Variants in NMNAT2 observed in about 807,000 individuals in gnomAD.
The protein encoded by NMNAT2 is nicotinamide/nicotinic acid mononucleotide adenylyltransferase 2.
A neutral mutation model predicts 41.6 loss-of-function variants in NMNAT2; 11 were observed. The observed-to-expected ratio is 0.26, with a 90% CI of 0.17 to 0.44. NMNAT2 has a LOEUF of 0.44. NMNAT2 is among the 20% of genes least tolerant of loss of function. The probability of loss-of-function intolerance (pLI) is 1.00; values close to 1 mark genes in which losing one functional copy is unlikely to be tolerated. For synonymous variants in NMNAT2, 148 were observed against 151.2 expected, an observed-to-expected ratio of 0.98 and a Z score of 0.16; for missense variants, 288 against 407.7, an observed-to-expected ratio of 0.71 and a Z score of 2.53.
At chr1:183,285,667 T>G (rs1378522089) in intron 5 of NMNAT2, among the ~76,000 whole-genome samples, 1 of 152,236 alleles carries the variant, frequency 6.6e-6, no homozygotes, top group African/African-American at 2.4e-5. Flanking sequence ...TTTTAGAGCA[T>G]GGACCTGGGA....
chr1:183,273,152 AT>A (rs1242466319), intron 8 of NMNAT2, among the ~76,000 whole-genome samples: 1 of 152,124 alleles, frequency 6.6e-6, no homozygotes, highest in African/African-American at 2.4e-5. Flanking sequence ...CTTCACTTCC[AT>A]TTTCTGTACA....
At chr1:183,401,637 T>TCA (rs200321719) in intron 1 of NMNAT2, among the ~76,000 whole-genome samples, 2,859 of 152,272 alleles carry the variant, frequency 0.019, 88 homozygotes, top group African/African-American at 0.066. Flanking sequence ...GTGGCACTAT[T>TCA]CACAATAGCA....
chr1:183,317,447 T>C (rs1662277136), intron 1 of NMNAT2, among the ~76,000 whole-genome samples: 1 of 151,338 alleles, frequency 6.6e-6, no homozygotes, highest in Non-Finnish European at 1.5e-5. Flanking sequence ...ATTTTTTGTG[T>C]GTGTGGAGAT....
At position 183,248,891 on chromosome 1, in the gene NMNAT2, A is replaced by AGTGT. The variant is rs71555406; in HGVS notation, c.*3746_*3749dup. ...CTTCTCTCTCTTAGTCCCCTAAAAGAGTGTGTGTGTGTGTGTGTGTGTGTG... is the reference window on the plus strand; with the variant it reads ...CTTCTCTCTCTTAGTCCCCTAAAAGAGTGTGTGTGTGTGTGTGTGTGTGTGTGTG... On this transcript the variant is annotated 3_prime_UTR_variant, in exon 11 of 11. Coordinates refer to ENST00000287713, the MANE Select transcript of NMNAT2 (RefSeq NM_015039.4). 0.064 allele frequency: 9,192 copies of AGTGT among 142,620 alleles called. 295 individuals are homozygous for AGTGT. The highest frequency in any genetic ancestry group is 0.094 in the South Asian group (406 of 4,338). The allele number at this position is 142,620 out of a possible 1,614,324, so 8.8% of individuals were successfully genotyped here.
chr1:183,267,937 G>A (rs1200022709), intron 8 of NMNAT2, among the ~76,000 whole-genome samples: 2 of 152,140 alleles, frequency 1.3e-5, no homozygotes, highest in East Asian at 1.9e-4. Flanking sequence ...CCTCAGTTTA[G>A]CACTGGCATA....
At chr1:183,322,244 A>G (rs185575448) in intron 1 of NMNAT2, among the ~76,000 whole-genome samples, 1 of 152,286 alleles carries the variant, frequency 6.6e-6, no homozygotes, top group East Asian at 1.9e-4. Flanking sequence ...TCTGAATTAC[A>G]TGGGTTTCTG....
chr1:183,276,041 G>A (rs1245477300), intron 8 of NMNAT2, among the ~76,000 whole-genome samples: 1 of 152,136 alleles, frequency 6.6e-6, no homozygotes, highest in Admixed American at 6.5e-5. Context: ...CTTGCTATTG[G>A]TTCATTATCT....
At chr1:183,333,881 G>A (rs1662632285) in intron 1 of NMNAT2, among the ~76,000 whole-genome samples, 1 of 152,156 alleles carries the variant, frequency 6.6e-6, no homozygotes, top group Non-Finnish European at 1.5e-5. Context: ...GTCATTTCCA[G>A]CTGTGTTCTT....
intron 1 of NMNAT2, among the ~76,000 whole-genome samples, chr1:183,394,873 C>A (rs1648589014): frequency 6.6e-6 from 1 of 152,202 alleles, no homozygotes; most frequent in Non-Finnish European, 1.5e-5. Context: ...CTGTCCTTGG[C>A]AGGAGGCAGC....
chr1:183,305,436 T>C (rs1246089432), intron 1 of NMNAT2, among the ~76,000 whole-genome samples: 1 of 152,190 alleles, frequency 6.6e-6, no homozygotes, highest in Non-Finnish European at 1.5e-5. Flanking sequence ...TCAGGCTCTA[T>C]TTTTAACTAC....
intron 1 of NMNAT2, among the ~76,000 whole-genome samples, chr1:183,347,585 T>C (rs1210650919): frequency 6.6e-6 from 1 of 152,234 alleles, no homozygotes; most frequent in Non-Finnish European, 1.5e-5. Context: ...GTAAGCACTC[T>C]AAAAGTGTTT....
At chr1:183,378,778 T>C (rs4630091) in intron 1 of NMNAT2, among the ~76,000 whole-genome samples, 8,603 of 147,616 alleles carry the variant, frequency 0.058, 505 homozygotes, top group South Asian at 0.18. Context: ...GCGAGGTGGC[T>C]CATGCTTGTA....
intron 1 of NMNAT2, among the ~76,000 whole-genome samples, chr1:183,396,343 G>T (rs1648649108): frequency 6.6e-6 from 1 of 152,098 alleles, no homozygotes; most frequent in Non-Finnish European, 1.5e-5. Context: ...AATAATAATT[G>T]GTTGCAGCCA....
intron 1 of NMNAT2, among the ~76,000 whole-genome samples, chr1:183,304,348 A>G (rs1026844020): frequency 6.6e-6 from 1 of 152,246 alleles, no homozygotes; most frequent in African/African-American, 2.4e-5. Context: ...ATAGCATGAT[A>G]GGAACAGGGT....
intron 1 of NMNAT2, among the ~76,000 whole-genome samples, chr1:183,385,577 T>C (rs1304467947): frequency 6.6e-6 from 1 of 151,996 alleles, no homozygotes; most frequent in African/African-American, 2.4e-5. Context: ...AGCCATGTGA[T>C]ATAAACAGAC....
At chr1:183,261,339 C>T in intron 8 of NMNAT2, 36 bp from the exon 9 acceptor site, 2 of 1,561,394 alleles carry the variant, frequency 1.3e-6, no homozygotes, top group Middle Eastern at 2.3e-4. Flanking sequence ...TGGTGAAACC[C>T]TGATCCCAAA....
In NMNAT2 at chr1:183,405,831, C is replaced by T. The variant is rs565612755; in HGVS notation, c.85+12352G>A. On this transcript the variant is annotated intron_variant, in intron 1 of 10. Coordinates refer to ENST00000287713, the MANE Select transcript of NMNAT2 (RefSeq NM_015039.4). ...GCTTAGTCTCAGCCCTGCCTGGGAA[C>T]GTGCAAAGTGTCTTTGCTATTCCAA... 6.4e-4 allele frequency among the ~76,000 whole-genome samples: 98 copies of T among 152,332 alleles called. 2 individuals are homozygous for T. In the South Asian group the frequency reaches 0.018, roughly 28 times the overall value.
chr1:183,333,531 T>C (rs1662626061), intron 1 of NMNAT2, among the ~76,000 whole-genome samples: 1 of 152,166 alleles, frequency 6.6e-6, no homozygotes, highest in Non-Finnish European at 1.5e-5. Flanking sequence ...TGTGGGGCCA[T>C]GAGCCAAGGA....
intron 1 of NMNAT2, among the ~76,000 whole-genome samples, chr1:183,298,385 T>C (rs12134014): frequency 0.3 from 45,196 of 151,744 alleles, 7,915 homozygotes; most frequent in Middle Eastern, 0.4. Context: ...AAATTAATTG[T>C]ATTTCCATAT....
Sources: gnomAD v4.1 joint callset for allele counts (sites outside exome capture counted in the v4.1 genomes callset) on GRCh38, gnomAD v4.1.1 for gene constraint, MANE v1.5 for transcripts, NCBI Gene and HGNC (gene_info 2026-07-23, HGNC 2026-07-21) for gene names.